The following TRAPPC9 variants were observed in gnomAD, a reference collection of about 807,000 sequenced individuals.
The protein encoded by TRAPPC9 is trafficking protein particle complex subunit 9.
TRAPPC9 carries 83 observed loss-of-function variants against 124.0 expected under a neutral mutation model. The observed-to-expected ratio is 0.67, with a 90% CI of 0.56 to 0.80. TRAPPC9 has a LOEUF of 0.80. TRAPPC9 is among the 30% of genes least tolerant of loss of function. The pLI, the probability that TRAPPC9 is intolerant of heterozygous loss-of-function variation, is 0.00. For synonymous variants in TRAPPC9, 638 were observed against 617.5 expected, an observed-to-expected ratio of 1.03 and a Z score of -0.49; for missense variants, 1,302 against 1,508.3, an observed-to-expected ratio of 0.86 and a Z score of 2.27.
chr8:140,312,737 C>G (rs1027469317), intron 9 of TRAPPC9, among the ~76,000 whole-genome samples: 2 of 149,968 alleles, frequency 1.3e-5, no homozygotes, highest in African/African-American at 2.5e-5. Context: ...TCTGTGCCTA[C>G]GCATTCTTCT....
At chr8:140,395,456 C>A (rs1388926028) in intron 7 of TRAPPC9, among the ~76,000 whole-genome samples, 2 of 152,192 alleles carry the variant, frequency 1.3e-5, no homozygotes, top group East Asian at 3.9e-4. Context: ...GGAATGCCAA[C>A]CCGAGCAGTC....
chr8:139,975,305 TTC>T (rs1563655797), intron 19 of TRAPPC9, among the ~76,000 whole-genome samples: 1 of 152,208 alleles, frequency 6.6e-6, no homozygotes, highest in Non-Finnish European at 1.5e-5. Context: ...GTTCTGTGAC[TTC>T]CCTGAACGTC....
At chr8:140,410,561 AG>A (rs2069668715) in intron 5 of TRAPPC9, among the ~76,000 whole-genome samples, 1 of 151,802 alleles carries the variant, frequency 6.6e-6, no homozygotes, top group African/African-American at 2.4e-5. Context: ...ACAAAAAAAA[AG>A]GCCGGGCGCA....
intron 21 of TRAPPC9, among the ~76,000 whole-genome samples, chr8:139,781,151 C>T (rs1325217914): frequency 6.6e-6 from 1 of 152,156 alleles, no homozygotes; most frequent in Non-Finnish European, 1.5e-5. Flanking sequence ...CTAGCAGTCA[C>T]ACTTCTCGGT....
intron 21 of TRAPPC9, among the ~76,000 whole-genome samples, chr8:139,762,911 G>A (rs757539788): frequency 5.9e-5 from 9 of 152,218 alleles, no homozygotes; most frequent in African/African-American, 1.9e-4. Context: ...GTGATGGGAG[G>A]TGGAGCAGCG....
In TRAPPC9 at chr8:140,439,171, C is replaced by A; in HGVS notation, c.611G>T (p.Arg204Leu). ...SRHYKKRCQGRMRKHVGDLCL... is the reference protein window; with the variant it reads ...SRHYKKRCQGLMRKHVGDLCL... ...CAGGTCCCCCACGTGCTTCCGCATGCGGCCTTGGCACCGCTTCTTGTAATG... is the reference window on the plus strand; with the variant it reads ...CAGGTCCCCCACGTGCTTCCGCATGAGGCCTTGGCACCGCTTCTTGTAATG... The change falls in exon 3 of 23, where the codon CGC becomes CTC. Residue 204 changes from arginine (R) to leucine (L), a missense_variant. By Grantham distance (102) the Arg-to-Leu change is moderately radical. Transcript: ENST00000438773. 1 of 1,614,170 alleles carries A rather than the reference C, an allele frequency of 6.2e-7. No individual in the cohort carries two copies. Among genetic ancestry groups the A allele is most frequent in the Non-Finnish European group, 8.5e-7 (1 of 1,180,032 alleles).
intron 5 of TRAPPC9, among the ~76,000 whole-genome samples, chr8:140,421,687 G>A (rs1378465351): frequency 6.6e-6 from 1 of 152,126 alleles, no homozygotes; most frequent in Admixed American, 6.5e-5. Flanking sequence ...GGAAGACAAC[G>A]ACCGTATTCT....
chr8:140,246,858 G>A (rs55816715), intron 16 of TRAPPC9, among the ~76,000 whole-genome samples: 9,484 of 152,108 alleles, frequency 0.062, 520 homozygotes, highest in African/African-American at 0.15. Context: ...GGTGGCATAC[G>A]CATGTAGTCC....
At chr8:140,258,896 G>A (rs546708782) in intron 15 of TRAPPC9, among the ~76,000 whole-genome samples, 186 of 152,276 alleles carry the variant, frequency 1.2e-3, no homozygotes, top group Non-Finnish European at 2.2e-3. Flanking sequence ...CCCGTGAACC[G>A]CCAATACAGC....
intron 14 of TRAPPC9, among the ~76,000 whole-genome samples, chr8:140,276,797 G>A (rs1429914093): frequency 6.6e-6 from 1 of 151,706 alleles, no homozygotes; most frequent in Non-Finnish European, 1.5e-5. Flanking sequence ...GCAGACAGAG[G>A]AGGTGGCCAG....
At chr8:140,219,498 C>G (rs2063282978) in intron 17 of TRAPPC9, among the ~76,000 whole-genome samples, 3 of 152,190 alleles carry the variant, frequency 2.0e-5, no homozygotes. Flanking sequence ...GTTAATTCAT[C>G]AAAGAATGCA....
chr8:139,794,281 A>G lies in TRAPPC9; in HGVS notation c.3056-62079T>C, dbSNP rs80067862. Among the ~76,000 whole-genome samples, 324 of 152,234 alleles carry G rather than the reference A, an allele frequency of 2.1e-3. 6 individuals are homozygous for G. The East Asian group carries it at 0.048, about 23-fold the overall frequency. ...TCCCCTAACGATGTGCCGTGGGGTC[A>G]AACAGGGCCTCCTCTCCTCCTCAGA... On this transcript the variant is annotated intron_variant, in intron 21 of 22. Transcript: ENST00000438773.
intron 21 of TRAPPC9, among the ~76,000 whole-genome samples, chr8:139,870,455 T>C (rs1188322750): frequency 1.3e-5 from 2 of 152,214 alleles, no homozygotes; most frequent in African/African-American, 4.8e-5. Flanking sequence ...TGGTGAGGAA[T>C]GACATATTTC....
At chr8:140,403,300 C>T (rs2069345911) in intron 6 of TRAPPC9, among the ~76,000 whole-genome samples, 1 of 151,974 alleles carries the variant, frequency 6.6e-6, no homozygotes, top group African/African-American at 2.4e-5. Flanking sequence ...CATGGTGGCT[C>T]GCACCTGTAG....
At chr8:140,404,200 A>C (rs776270536) in intron 6 of TRAPPC9, among the ~76,000 whole-genome samples, 27 of 152,234 alleles carry the variant, frequency 1.8e-4, no homozygotes, top group Non-Finnish European at 3.5e-4. Context: ...ACCTATGATA[A>C]ATGTTAATAT....
chr8:139,732,180 T>C lies in TRAPPC9; in HGVS notation c.3078A>G (p.Pro1026=), dbSNP rs144039420. ...LQWDVLVDGQ[P]CDREAVAACQ... ...AGGCCGCCACAGCCTCGCGGTCACA[T>C]GGCTGTCCGTCCACCAGCACATCTG... The change falls in exon 22 of 23, where the codon CCA becomes CCG. Residue 1026 remains proline (P), a synonymous_variant. Transcript: ENST00000438773. 1.2e-4 allele frequency: 193 copies of C among 1,595,174 alleles called. No individual in the cohort carries two copies. In the African/African-American group the frequency reaches 2.3e-3, roughly 19 times the overall value.
At chr8:139,862,681 C>T (rs989650252) in intron 21 of TRAPPC9, among the ~76,000 whole-genome samples, 1 of 152,216 alleles carries the variant, frequency 6.6e-6, no homozygotes, top group Non-Finnish European at 1.5e-5. Flanking sequence ...GTGTCTTAAT[C>T]TCACTCTCCA....
Position 140,291,047 on chromosome 8 carries a change from T to G in TRAPPC9, c.1800A>C (p.Glu600Asp). 6.2e-7 allele frequency: 1 copy of G among 1,614,254 alleles called. No individual in the cohort carries two copies. Among genetic ancestry groups the G allele is most frequent in the Non-Finnish European group, 8.5e-7 (1 of 1,180,048 alleles). The change falls in exon 12 of 23, where the codon GAA (glutamate) becomes GAC (aspartate). Residue 600 changes from glutamate (E) to aspartate (D), a missense_variant. Glu to Asp is a conservative substitution (Grantham distance 45). This residue lies in a region of TRAPPC9 where 657 missense variants were observed against 811.2 expected (regional missense o/e 0.81). Coordinates refer to ENST00000438773, the MANE Select transcript of TRAPPC9 (RefSeq NM_001160372.4). Reference protein sequence around the residue: ...DFQWVQGDVCEVQLMVYNPMP... With the variant: ...DFQWVQGDVCDVQLMVYNPMP... ...TTGGGTTATATACCATCAGCTGAAC[T>G]TCACACACATCTCCTTGAACCCACT...
intron 8 of TRAPPC9, among the ~76,000 whole-genome samples, chr8:140,370,292 A>T (rs2068244341): frequency 6.6e-6 from 1 of 152,010 alleles, no homozygotes; most frequent in Admixed American, 6.6e-5. Context: ...AGCGCACGCC[A>T]CCATGCCCAG....
Sources: allele counts gnomAD v4.1 joint callset (sites outside exome capture counted in the v4.1 genomes callset), GRCh38; gene constraint gnomAD v4.1.1; regional missense constraint gnomAD v4.1.1; transcripts MANE v1.5; gene names NCBI Gene and HGNC (gene_info 2026-07-23, HGNC 2026-07-21).